ADGRL2: variants seen among roughly 807,000 people sequenced by gnomAD.
The protein encoded by ADGRL2 is adhesion G protein-coupled receptor L2.
ADGRL2 carries 44 observed loss-of-function variants against 157.4 expected under a neutral mutation model. That is an observed-to-expected ratio of 0.28 (90% CI 0.22 to 0.36). ADGRL2 has a LOEUF of 0.36. ADGRL2 is among the 10% of genes least tolerant of loss of function. The pLI is 1.00. For synonymous variants in ADGRL2, 585 were observed against 624.7 expected, an observed-to-expected ratio of 0.94 and a Z score of 0.95; for missense variants, 1,510 against 1,768.9, an observed-to-expected ratio of 0.85 and a Z score of 2.63.
intron 2 of ADGRL2, among the ~76,000 whole-genome samples, chr1:81,540,526 T>A (rs1020708341): frequency 2.0e-5 from 3 of 152,140 alleles, no homozygotes; most frequent in African/African-American, 7.2e-5. Flanking sequence ...CTAACAGAAG[T>A]GACCAGCTTT....
chr1:81,691,175 T>A (rs1291219041), intron 3 of ADGRL2, among the ~76,000 whole-genome samples: 1 of 152,204 alleles, frequency 6.6e-6, no homozygotes, highest in African/African-American at 2.4e-5. Context: ...AGTAAAATCA[T>A]CTGAGACAAA....
chr1:81,825,214 T>A (rs549685946), intron 1 of ADGRL2, among the ~76,000 whole-genome samples: 5 of 151,742 alleles, frequency 3.3e-5, no homozygotes, highest in South Asian at 2.1e-4. Context: ...GAAATAAAAA[T>A]TTTTTTTTGT....
At chr1:81,666,565 T>C (rs990633769) in intron 3 of ADGRL2, among the ~76,000 whole-genome samples, 4 of 152,212 alleles carry the variant, frequency 2.6e-5, no homozygotes, top group African/African-American at 9.7e-5. Flanking sequence ...CTGACCCTGC[T>C]AGTTCAACTA....
intron 3 of ADGRL2, among the ~76,000 whole-genome samples, chr1:81,684,396 G>A (rs1385587231): frequency 2.0e-5 from 3 of 152,078 alleles, no homozygotes; most frequent in Admixed American, 2.0e-4. Flanking sequence ...GATGTTGAGC[G>A]TTTTTTCTAT....
At chr1:81,575,633 T>C (rs1438153965) in intron 2 of ADGRL2, among the ~76,000 whole-genome samples, 1 of 152,158 alleles carries the variant, frequency 6.6e-6, no homozygotes. Context: ...TGCTTGTAAA[T>C]TCAGAGAATA....
chr1:81,725,412 G>A (rs753854733), intron 1 of ADGRL2, among the ~76,000 whole-genome samples: 12 of 151,780 alleles, frequency 7.9e-5, no homozygotes, highest in Admixed American at 2.0e-4. Context: ...GGTAGCAGGC[G>A]CCTGTAATCC....
intron 2 of ADGRL2, among the ~76,000 whole-genome samples, chr1:81,547,577 C>T (rs554259863): frequency 6.6e-6 from 1 of 152,196 alleles, no homozygotes; most frequent in Non-Finnish European, 1.5e-5. Context: ...ATTTAAGACT[C>T]TCGAGTATTA....
chr1:81,867,613 A>G (rs1391012275), intron 2 of ADGRL2, among the ~76,000 whole-genome samples: 1 of 152,222 alleles, frequency 6.6e-6, no homozygotes, highest in African/African-American at 2.4e-5. Context: ...ATCTACAAAC[A>G]TCAGATTTTT....
chr1:81,645,415 A>AG (rs1424410213), intron 3 of ADGRL2, among the ~76,000 whole-genome samples: 1 of 151,312 alleles, frequency 6.6e-6, no homozygotes, highest in Admixed American at 6.6e-5. Flanking sequence ...AAAAAAAAAA[A>AG]AAAATTAAAT....
intron 2 of ADGRL2, among the ~76,000 whole-genome samples, chr1:81,853,319 G>A (rs1229880828): frequency 6.6e-6 from 1 of 152,094 alleles, no homozygotes; most frequent in African/African-American, 2.4e-5. Flanking sequence ...AGCTTGCCTG[G>A]GTGTTTTTAG....
At chr1:81,906,625 T>G (rs1464762286) in intron 2 of ADGRL2, among the ~76,000 whole-genome samples, 1 of 151,826 alleles carries the variant, frequency 6.6e-6, no homozygotes, top group Non-Finnish European at 1.5e-5. Context: ...GTAAGGCCAG[T>G]GGGTGTAGCA....
chr1:81,615,921 T>G (rs1043346835), intron 3 of ADGRL2, among the ~76,000 whole-genome samples: 2 of 152,174 alleles, frequency 1.3e-5, no homozygotes, highest in African/African-American at 4.8e-5. Flanking sequence ...GATTCTATTA[T>G]AGACACACTT....
chr1:81,482,636 T>C (rs933075508), intron 2 of ADGRL2, among the ~76,000 whole-genome samples: 9 of 152,252 alleles, frequency 5.9e-5, no homozygotes, highest in African/African-American at 1.2e-4. Flanking sequence ...TTCTAGATAG[T>C]AGTAATTATA....
intron 1 of ADGRL2, among the ~76,000 whole-genome samples, chr1:81,373,762 G>A (rs764831709): frequency 6.6e-6 from 1 of 152,140 alleles, no homozygotes; most frequent in Admixed American, 6.5e-5. Context: ...AACCTTAAAT[G>A]TTTGTTTTCA....
At chr1:81,464,029 C>T (rs528192013) in intron 2 of ADGRL2, among the ~76,000 whole-genome samples, 3 of 151,972 alleles carry the variant, frequency 2.0e-5, no homozygotes, top group African/African-American at 7.2e-5. Flanking sequence ...CTCCTATATC[C>T]AAAGGAAATG....
At chr1:81,761,334 G>A (rs2085874539) in intron 1 of ADGRL2, among the ~76,000 whole-genome samples, 1 of 151,792 alleles carries the variant, frequency 6.6e-6, no homozygotes, top group Admixed American at 6.6e-5. Flanking sequence ...CCATTATATA[G>A]TTTTAACAGA....
At chr1:81,687,815 T>G (rs1423958438) in intron 3 of ADGRL2, among the ~76,000 whole-genome samples, 1 of 152,202 alleles carries the variant, frequency 6.6e-6, no homozygotes, top group Non-Finnish European at 1.5e-5. Context: ...TTTCCAGGAT[T>G]CCTTTCAAGG....
At chr1:81,548,798 A>G (rs1303732581) in intron 2 of ADGRL2, among the ~76,000 whole-genome samples, 1 of 152,198 alleles carries the variant, frequency 6.6e-6, no homozygotes. Flanking sequence ...TTGAATGATT[A>G]AGGATTTGAG....
At chr1:81,367,634 C>G (rs907140031) in intron 1 of ADGRL2, among the ~76,000 whole-genome samples, 2 of 152,094 alleles carry the variant, frequency 1.3e-5, no homozygotes, top group African/African-American at 4.8e-5. Flanking sequence ...ATCACTGCAA[C>G]CTCTGCCTCC....
Sources: gnomAD v4.1 joint callset for allele counts (sites outside exome capture counted in the v4.1 genomes callset) on GRCh38, gnomAD v4.1.1 for gene constraint, MANE v1.5 for transcripts, NCBI Gene and HGNC (gene_info 2026-07-23, HGNC 2026-07-21) for gene names.